The following CRPPA variants were observed in gnomAD, a reference collection of about 807,000 sequenced individuals.
CRPPA encodes the protein D-ribitol-5-phosphate cytidylyltransferase.
CRPPA carries 43 observed loss-of-function variants against 52.0 expected under a neutral mutation model. The ratio of observed to expected loss-of-function variants is 0.83; its 90% CI spans 0.65 to 1.07. The LOEUF is 1.07. Ranked by LOEUF, CRPPA falls within the 50% of genes least tolerant of loss-of-function variation. The probability of loss-of-function intolerance (pLI) is 0.00; values close to 1 mark genes in which losing one functional copy is unlikely to be tolerated. For synonymous variants in CRPPA, 250 were observed against 203.5 expected (o/e 1.23, Z -1.94); for missense variants, 629 against 551.7 (o/e 1.14, Z -1.40).
At chr7:16,387,487 G>GA (rs1302285456) in intron 2 of CRPPA, among the ~76,000 whole-genome samples, 1 of 151,846 alleles carries the variant, frequency 6.6e-6, no homozygotes, top group African/African-American at 2.4e-5. Context: ...TAGGAGACAT[G>GA]AAAAAAGTAA....
chr7:16,110,649 C>T (rs773173728), intron 9 of CRPPA, among the ~76,000 whole-genome samples: 6 of 152,012 alleles, frequency 3.9e-5, no homozygotes, highest in Admixed American at 6.6e-5. Flanking sequence ...CATGCATATA[C>T]AGTCAATTGA....
chr7:16,200,026 T>C (rs954193107), intron 9 of CRPPA, among the ~76,000 whole-genome samples: 2 of 151,964 alleles, frequency 1.3e-5, no homozygotes, highest in Non-Finnish European at 2.9e-5. Context: ...CCCAGTTAAT[T>C]TTTGTGTTTT....
intron 9 of CRPPA, among the ~76,000 whole-genome samples, chr7:16,103,187 A>G (rs1241179494): frequency 1.3e-5 from 2 of 152,190 alleles, no homozygotes; most frequent in Admixed American, 1.3e-4. Context: ...CATCATTCTC[A>G]GCAGACTAAC....
chr7:16,279,417 A>C (rs12531451), intron 5 of CRPPA, among the ~76,000 whole-genome samples: 32,721 of 152,178 alleles, frequency 0.22, 4,056 homozygotes, highest in East Asian at 0.36. Flanking sequence ...TATCATTCTG[A>C]ATCTATGTAA....
At chr7:16,130,063 C>T (rs559943732) in intron 9 of CRPPA, among the ~76,000 whole-genome samples, 190 of 152,238 alleles carry the variant, frequency 1.2e-3, no homozygotes, top group Middle Eastern at 6.8e-3. Flanking sequence ...CCATAGCATG[C>T]CTATCACACC....
rs76299370 is a variant in CRPPA at position 16,126,755 on chromosome 7, C to G, written c.1252-34956G>C. Among the ~76,000 whole-genome samples the G allele has an allele frequency of 2.1e-3, 324 of 151,958 alleles. No individual in the cohort carries two copies. The East Asian group carries it at 0.028, about 13-fold the overall frequency. On this transcript the variant is annotated intron_variant, in intron 9 of 9. Transcript: ENST00000407010. ...TCCAGGAGTTCTTCCAGAATACAGA[C>G]AAAAAGGAAGACAGAAATACAGATG...
At chr7:16,254,139 G>T (rs1337705525) in intron 8 of CRPPA, among the ~76,000 whole-genome samples, 1 of 152,110 alleles carries the variant, frequency 6.6e-6, no homozygotes, top group Non-Finnish European at 1.5e-5. Context: ...CACTGTTGGT[G>T]GGACTGTAAA....
chr7:16,320,637 G>A (rs1214060342), intron 3 of CRPPA, among the ~76,000 whole-genome samples: 3 of 152,022 alleles, frequency 2.0e-5, no homozygotes, highest in Non-Finnish European at 4.4e-5. Flanking sequence ...GCATGCACAG[G>A]TTTCTCACTC....
chr7:16,308,477 C>T (rs749155779), intron 4 of CRPPA, 46 bp downstream of exon 4: 2 of 1,048,752 alleles, frequency 1.9e-6, no homozygotes, highest in Non-Finnish European at 2.9e-6. Context: ...CACGCAAACA[C>T]ATGAAAGCAC....
intron 9 of CRPPA, among the ~76,000 whole-genome samples, chr7:16,143,598 C>G (rs1322667571): frequency 2.0e-5 from 3 of 152,140 alleles, no homozygotes; most frequent in African/African-American, 7.2e-5. Flanking sequence ...GTCTATTGCT[C>G]TCTGACAGGG....
intron 4 of CRPPA, 76 bp from the exon 5 acceptor site, chr7:16,301,542 G>T: frequency 1.9e-6 from 2 of 1,045,210 alleles, no homozygotes; most frequent in Non-Finnish European, 2.9e-6. Context: ...TGCCCCCAAG[G>T]AAATTCTTGA....
intron 9 of CRPPA, among the ~76,000 whole-genome samples, chr7:16,209,628 C>A (rs1782077572): frequency 6.6e-6 from 1 of 151,844 alleles, no homozygotes; most frequent in African/African-American, 2.4e-5. Flanking sequence ...TTTACATTCA[C>A]ACAAAAAAAG....
At chr7:16,327,410 G>A (rs933737365) in intron 3 of CRPPA, among the ~76,000 whole-genome samples, 1 of 151,220 alleles carries the variant, frequency 6.6e-6, no homozygotes, top group African/African-American at 2.4e-5. Flanking sequence ...GGCTAACAAG[G>A]TGAAACCCCG....
intron 2 of CRPPA, among the ~76,000 whole-genome samples, chr7:16,395,602 C>T (rs77423739): frequency 0.026 from 3,905 of 152,234 alleles, 154 homozygotes; most frequent in African/African-American, 0.089. Flanking sequence ...AATATAGAAA[C>T]AGAGATATCT....
intron 9 of CRPPA, among the ~76,000 whole-genome samples, chr7:16,114,295 T>TACACACACACACAC (rs140597697): frequency 6.8e-6 from 1 of 147,144 alleles, no homozygotes; most frequent in East Asian, 2.0e-4. Flanking sequence ...CACGCACACA[T>TACACACACACACAC]ACACACACAC....
chr7:16,151,736 G>C (rs1458397486), intron 9 of CRPPA, among the ~76,000 whole-genome samples: 1 of 151,676 alleles, frequency 6.6e-6, no homozygotes, highest in African/African-American at 2.4e-5. Context: ...TGATCTTCTA[G>C]TTTACCATAT....
chr7:16,157,183 ATTTT>A (rs71007748), intron 9 of CRPPA, among the ~76,000 whole-genome samples: 1 of 142,602 alleles, frequency 7.0e-6, no homozygotes, highest in African/African-American at 2.6e-5. Context: ...AAATGCTGCA[ATTTT>A]TTTTTTTTTT....
chr7:16,222,621 C>G (rs1327865564), intron 8 of CRPPA, among the ~76,000 whole-genome samples: 1 of 151,912 alleles, frequency 6.6e-6, no homozygotes, highest in African/African-American at 2.4e-5. Flanking sequence ...AAATAAAATT[C>G]AAGAAGAGTG....
chr7:16,162,166 G>T (rs913187509), intron 9 of CRPPA, among the ~76,000 whole-genome samples: 2 of 151,502 alleles, frequency 1.3e-5, no homozygotes, highest in African/African-American at 2.4e-5. Flanking sequence ...AGGGTTTTTC[G>T]TGTCTCTCCT....
Sources: allele counts gnomAD v4.1 joint callset (sites outside exome capture counted in the v4.1 genomes callset), GRCh38; gene constraint gnomAD v4.1.1; transcripts MANE v1.5; gene names NCBI Gene and HGNC (gene_info 2026-07-23, HGNC 2026-07-21).